BRCA2: variants seen among roughly 807,000 people sequenced by gnomAD.
The protein encoded by BRCA2 is breast cancer type 2 susceptibility protein.
In BRCA2, 203 loss-of-function variants were observed where a neutral mutation model predicts 276.7. That is an observed-to-expected ratio of 0.73 (90% CI 0.65 to 0.82). The LOEUF is 0.82. Ranked by LOEUF, BRCA2 falls within the 40% of genes least tolerant of loss-of-function variation. The pLI is 0.00. For missense variants in BRCA2, 3,920 were observed against 3,915.0 expected (o/e 1.00, Z -0.03); for synonymous variants, 1,289 against 1,338.4 (o/e 0.96, Z 0.81).
chr13:32,362,655 C>T lies in BRCA2; in HGVS notation c.7938C>T (p.Cys2646=), dbSNP rs1064794927. The T allele has an allele frequency of 6.2e-7, 1 of 1,614,146 alleles. No homozygotes were observed. The highest frequency in any genetic ancestry group is 8.5e-7 in the Non-Finnish European group (1 of 1,180,022). Residue 2646 remains cysteine, a synonymous_variant, in exon 17 of 27, where the codon TGC becomes TGT. Coordinates refer to ENST00000380152, the MANE Select transcript of BRCA2 (RefSeq NM_000059.4). ...TTCCTAAGGAATTTGCTAATAGATG[C>T]CTAAGCCCAGAAAGGGTGCTTCTTC... ...CAFPKEFANR[C]LSPERVLLQL...
chr13:32,394,411 T>C (rs894347895), intron 24 of BRCA2, among the ~76,000 whole-genome samples: 19 of 152,230 alleles, frequency 1.2e-4, no homozygotes, highest in Non-Finnish European at 1.9e-4. Context: ...TCCAGAAATC[T>C]TGCACAAATC....
intron 2 of BRCA2, 38 bp downstream of exon 2, chr13:32,316,565 G>A (rs758183252): frequency 1.0e-5 from 16 of 1,562,068 alleles, no homozygotes; most frequent in East Asian, 2.3e-5. Flanking sequence ...AAATTACACC[G>A]AGAAAGTGTT....
At chr13:32,375,237 A>C (rs1593933752) in intron 20 of BRCA2, 5 of 336,020 alleles carry the variant, frequency 1.5e-5, no homozygotes, top group South Asian at 1.2e-4. Flanking sequence ...AAATCGTATG[A>C]AGCTCCTTAT....
intron 3 of BRCA2, among the ~76,000 whole-genome samples, chr13:32,322,747 A>G (rs778519386): frequency 1.3e-5 from 2 of 152,196 alleles, no homozygotes; most frequent in East Asian, 1.9e-4. Flanking sequence ...AGGTTCTTCC[A>G]TGTCTTTTAA....
intron 1 of BRCA2, 141 bp from the exon 2 acceptor site, chr13:32,316,281 C>T (rs1472070839): frequency 3.0e-6 from 2 of 664,946 alleles, no homozygotes; most frequent in Non-Finnish European, 5.4e-6. Context: ...TGTTCCCATC[C>T]TCACAGTAAG....
intron 22 of BRCA2, 94 bp from the exon 23 acceptor site, chr13:32,379,656 G>A: frequency 1.3e-6 from 2 of 1,521,434 alleles, no homozygotes; most frequent in Non-Finnish European, 1.8e-6. Flanking sequence ...CCCACAAAGA[G>A]ATAATATAAA....
chr13:32,372,399 T>A (rs2072840630), intron 20 of BRCA2, among the ~76,000 whole-genome samples: 1 of 152,168 alleles, frequency 6.6e-6, no homozygotes, highest in South Asian at 2.1e-4. Flanking sequence ...CTTAATTGAC[T>A]TACAGTTCCA....
intron 3 of BRCA2, among the ~76,000 whole-genome samples, chr13:32,323,875 C>G (rs2072324249): frequency 6.6e-6 from 1 of 152,112 alleles, no homozygotes; most frequent in African/African-American, 2.4e-5. Flanking sequence ...TACTCTAATA[C>G]AGAAAATAGA....
At chr13:32,323,883 A>G (rs145480157) in intron 3 of BRCA2, among the ~76,000 whole-genome samples, 2 of 152,364 alleles carry the variant, frequency 1.3e-5, no homozygotes, top group African/African-American at 4.8e-5. Context: ...TACAGAAAAT[A>G]GAAATATTGA....
intron 3 of BRCA2, among the ~76,000 whole-genome samples, chr13:32,323,717 T>C (rs1322061983): frequency 6.6e-6 from 1 of 152,208 alleles, no homozygotes; most frequent in Non-Finnish European, 1.5e-5. Context: ...AGCTTATTTT[T>C]CCCAAAAGCT....
At chr13:32,347,734 A>AC (rs1555285426) in intron 13 of BRCA2, among the ~76,000 whole-genome samples, 1 of 151,818 alleles carries the variant, frequency 6.6e-6, no homozygotes, top group African/African-American at 2.4e-5. Flanking sequence ...AGACTGGAAG[A>AC]TTTTTTTTTC....
upstream of BRCA2, chr13:32,315,317 C>T (rs2072242561): frequency 6.6e-6 from 1 of 152,362 alleles, no homozygotes. Flanking sequence ...ACACACACTC[C>T]AGCTCCCGCT....
Position 32,357,724 on chromosome 13 carries a change from T to C in BRCA2, c.7618-18T>C, listed in dbSNP as rs560091100. The stretch of plus-strand genomic sequence containing the variant: ...CTTTAAATTGTTTTTCTTTTTTGTG[T>C]GTGTTTATTTTGTGTAGCTGTATAC... On this transcript the variant is annotated intron_variant, in intron 15 of 26. Coordinates refer to ENST00000380152, the MANE Select transcript of BRCA2 (RefSeq NM_000059.4). The C allele has an allele frequency of 2.5e-6, 4 of 1,603,934 alleles. 1 individual carries two copies. Among genetic ancestry groups the C allele is most frequent in the Middle Eastern group, 3.3e-4 (2 of 5,992 alleles).
In BRCA2 at chr13:32,398,797, T is replaced by G. The variant is rs1350603633; in HGVS notation, c.*27T>G. The G allele has an allele frequency of 6.2e-7, 1 of 1,611,392 alleles. No individual in the cohort carries two copies. Among genetic ancestry groups the G allele is most frequent in the Non-Finnish European group, 8.5e-7 (1 of 1,179,176 alleles). On this transcript the variant is annotated 3_prime_UTR_variant, in exon 27 of 27. Transcript: ENST00000380152. ...CATTTGCAAAGGCGACAATAAATTA[T>G]TGACGCTTAACCTTTCCAGTTTATA...
At chr13:32,370,806 TGA>T (rs1234270996) in intron 19 of BRCA2, 148 bp from the exon 20 acceptor site, 1 of 1,039,644 alleles carries the variant, frequency 9.6e-7, no homozygotes, top group Non-Finnish European at 1.4e-6. Context: ...TTGGTCAGGC[TGA>T]TCTCGAACTC....
Position 32,329,034 on chromosome 13 carries a change from G to C in BRCA2, c.632-409G>C, listed in dbSNP as rs1473168811. Among the ~76,000 whole-genome samples the C allele has an allele frequency of 2.0e-5, 3 of 152,134 alleles. No individual in the cohort carries two copies. In the East Asian group the frequency reaches 5.8e-4, roughly 29 times the overall value. On this transcript the variant is annotated intron_variant, in intron 7 of 26. Coordinates refer to ENST00000380152, the MANE Select transcript of BRCA2 (RefSeq NM_000059.4). ...TAAGTTAACCCTATTCTGTTGCTTA[G>C]ATGAAATAATATGGATAAAATCATT...
At chr13:32,372,078 C>A (rs1265871871) in intron 20 of BRCA2, among the ~76,000 whole-genome samples, 1 of 152,172 alleles carries the variant, frequency 6.6e-6, no homozygotes, top group Non-Finnish European at 1.5e-5. Context: ...GCATTTGCAA[C>A]ATTGATTGGC....
chr13:32,333,031 C>T lies in BRCA2; in HGVS notation c.1553C>T (p.Ala518Val), dbSNP rs2072416288. 6.3e-7 allele frequency: 1 copy of T among 1,596,022 alleles called. No individual in the cohort carries two copies. The highest frequency in any genetic ancestry group is 1.4e-5 in the African/African-American group (1 of 73,596). The change falls in exon 10 of 27, where the codon GCA (alanine) becomes GTA (valine). Residue 518 changes from alanine (A) to valine (V), a missense_variant. Physicochemically the swap from Ala to Val is moderately conservative, Grantham distance 64. Transcript: ENST00000380152. ...GAATCACCTAAAGAGACTTTCAATGCAAGTTTTTCAGGTCATATGACTGAT... is the reference window on the plus strand; with the variant it reads ...GAATCACCTAAAGAGACTTTCAATGTAAGTTTTTCAGGTCATATGACTGAT... ...IRESPKETFNASFSGHMTDPN... is the reference protein window; with the variant it reads ...IRESPKETFNVSFSGHMTDPN...
At position 32,372,325 on chromosome 13, in the gene BRCA2, A is replaced by T. The variant is rs1004281480; in HGVS notation, c.8632+1225A>T. ...GCTTATCCATAAGAAGCAGCTCTGTATTAATCTGTTCCCACACTGCTATAA... is the reference window on the plus strand; with the variant it reads ...GCTTATCCATAAGAAGCAGCTCTGTTTTAATCTGTTCCCACACTGCTATAA... On this transcript the variant is annotated intron_variant, in intron 20 of 26. Transcript: ENST00000380152. Among the ~76,000 whole-genome samples, 4 of 152,348 alleles carry T rather than the reference A, an allele frequency of 2.6e-5. No homozygotes were observed. The East Asian group carries it at 7.7e-4, about 29-fold the overall frequency.
Sources: allele counts gnomAD v4.1 joint callset (sites outside exome capture counted in the v4.1 genomes callset), GRCh38; gene constraint gnomAD v4.1.1; transcripts MANE v1.5; gene names NCBI Gene and HGNC (gene_info 2026-07-23, HGNC 2026-07-21).